The following LTBP1 variants were observed in gnomAD, a reference collection of about 807,000 sequenced individuals.
The protein encoded by LTBP1 is latent transforming growth factor beta binding protein 1, also known as latent-transforming growth factor beta-binding protein 1.
In LTBP1, 129 loss-of-function variants were observed where a neutral mutation model predicts 207.6. The ratio of observed to expected loss-of-function variants is 0.62; its 90% confidence interval spans 0.54 to 0.72. The LOEUF (loss-of-function observed/expected upper bound fraction) is 0.72. Ranked by LOEUF, LTBP1 falls within the 30% of genes least tolerant of loss-of-function variation. The pLI is 0.00. For synonymous variants in LTBP1, 963 were observed against 833.7 expected (o/e 1.16, Z -2.67); for missense variants, 2,281 against 2,217.2 (o/e 1.03, Z -0.58).
chr2:33,272,394 G>A (rs576248080), intron 15 of LTBP1, among the ~76,000 whole-genome samples: 6 of 152,242 alleles, frequency 3.9e-5, no homozygotes, highest in Admixed American at 3.3e-4. Flanking sequence ...TTGGAGGGTC[G>A]CTTGGCCTCA....
intron 5 of LTBP1, among the ~76,000 whole-genome samples, chr2:33,150,702 T>C (rs1160057482): frequency 7.2e-6 from 1 of 138,728 alleles, no homozygotes; most frequent in African/African-American, 2.6e-5. Flanking sequence ...TTTTTCTTTT[T>C]TCTTTTTCTT....
chr2:33,236,152 A>G lies in LTBP1; in HGVS notation c.1877-7510A>G, dbSNP rs1573350444. 2.0e-5 allele frequency among the ~76,000 whole-genome samples: 3 copies of G among 152,350 alleles called. 1 individual carries two copies. Among genetic ancestry groups the G allele is most frequent in the Admixed American group, 2.0e-4 (3 of 15,302 alleles). On this transcript the variant is annotated intron_variant, in intron 9 of 33. Transcript: ENST00000404816. ...AAGAACTAAGACTGCGGTCAACCAGACTTGATAATTCTGTTCTTCAAAACA... is the reference window on the plus strand; with the variant it reads ...AAGAACTAAGACTGCGGTCAACCAGGCTTGATAATTCTGTTCTTCAAAACA...
At chr2:33,251,617 A>G (rs960469718) in intron 10 of LTBP1, among the ~76,000 whole-genome samples, 1 of 146,268 alleles carries the variant, frequency 6.8e-6, no homozygotes, top group African/African-American at 2.6e-5. Flanking sequence ...GTGAGCTGAG[A>G]TCGCGCCACT....
intron 2 of LTBP1, among the ~76,000 whole-genome samples, chr2:32,982,558 T>C (rs935839197): frequency 6.6e-6 from 1 of 152,120 alleles, no homozygotes; most frequent in Non-Finnish European, 1.5e-5. Context: ...TGTCAGAGAC[T>C]TTCATGGCAG....
In LTBP1 at chr2:33,303,959, T is replaced by C. The variant is rs565628406; in HGVS notation, c.3481+2315T>C. On this transcript the variant is annotated intron_variant, in intron 22 of 33. Transcript: ENST00000404816. ...GCCAAGCCAAGAAGGAACTGCACCA[T>C]TGATTAAGTCTTGGGTAACTGATGT... Among the ~76,000 whole-genome samples the C allele has an allele frequency of 3.9e-5, 6 of 152,298 alleles. No individual in the cohort carries two copies. In the East Asian group the frequency reaches 1.2e-3, roughly 29 times the overall value.
chr2:33,394,649 G>C (rs575956950), intron 32 of LTBP1, among the ~76,000 whole-genome samples: 1 of 152,130 alleles, frequency 6.6e-6, no homozygotes, highest in South Asian at 2.1e-4. Flanking sequence ...GCTCTGTTCC[G>C]TTCCATTGGT....
chr2:33,205,642 C>G (rs1312922940), intron 7 of LTBP1, among the ~76,000 whole-genome samples: 3 of 152,204 alleles, frequency 2.0e-5, no homozygotes, highest in African/African-American at 4.8e-5. Flanking sequence ...CACACTCATT[C>G]CCTTTCCCAT....
At chr2:33,303,910 G>A (rs941442481) in intron 22 of LTBP1, among the ~76,000 whole-genome samples, 4 of 152,186 alleles carry the variant, frequency 2.6e-5, no homozygotes, top group African/African-American at 9.7e-5. Context: ...CTGACCATCA[G>A]CATCTCCTCT....
intron 31 of LTBP1, among the ~76,000 whole-genome samples, chr2:33,376,162 A>G (rs1215981746): frequency 1.3e-5 from 2 of 152,210 alleles, no homozygotes; most frequent in African/African-American, 4.8e-5. Context: ...TTAAAACACA[A>G]CAAATTGAAT....
chr2:33,210,610 T>G (rs1395449955), intron 7 of LTBP1, among the ~76,000 whole-genome samples: 1 of 152,238 alleles, frequency 6.6e-6, no homozygotes, highest in Non-Finnish European at 1.5e-5. Context: ...GTTTCCTGGT[T>G]GATTTTTATA....
chr2:33,295,067 AT>A (rs954453354), intron 20 of LTBP1, among the ~76,000 whole-genome samples: 1 of 151,754 alleles, frequency 6.6e-6, no homozygotes, highest in Admixed American at 6.6e-5. Flanking sequence ...AAAAGGCTTA[AT>A]TTTTTTATAT....
chr2:32,980,195 T>TA (rs1471270877), intron 2 of LTBP1, among the ~76,000 whole-genome samples: 2 of 152,164 alleles, frequency 1.3e-5, no homozygotes, highest in African/African-American at 4.8e-5. Context: ...GACTTACTCT[T>TA]ACAATTTTGT....
At chr2:32,968,213 G>A (rs1680285827) in intron 2 of LTBP1, among the ~76,000 whole-genome samples, 1 of 152,096 alleles carries the variant, frequency 6.6e-6, no homozygotes. Context: ...TGATCCGCCT[G>A]CCTTGGCCTC....
intron 2 of LTBP1, among the ~76,000 whole-genome samples, chr2:32,993,557 A>G (rs1392170530): frequency 6.6e-6 from 1 of 152,176 alleles, no homozygotes; most frequent in African/African-American, 2.4e-5. Flanking sequence ...TTTTAGAAAA[A>G]GCCTATTGTT....
At chr2:33,150,029 T>C (rs554770392) in intron 5 of LTBP1, among the ~76,000 whole-genome samples, 100 of 152,294 alleles carry the variant, frequency 6.6e-4, no homozygotes, top group African/African-American at 2.4e-3. Context: ...GTCTGACATA[T>C]TATTTAACTC....
intron 3 of LTBP1, among the ~76,000 whole-genome samples, chr2:33,079,372 T>C: frequency 6.6e-6 from 1 of 152,188 alleles, no homozygotes; most frequent in South Asian, 2.1e-4. Context: ...TGTTTCCAGC[T>C]GTATTGCACT....
intron 20 of LTBP1, among the ~76,000 whole-genome samples, chr2:33,298,297 T>C (rs761969322): frequency 1.1e-4 from 17 of 152,240 alleles, no homozygotes; most frequent in Non-Finnish European, 2.4e-4. Flanking sequence ...GTATGTGTCA[T>C]TACTTGTCAT....
chr2:33,333,979 T>C (rs956461646), intron 24 of LTBP1, among the ~76,000 whole-genome samples: 4 of 152,120 alleles, frequency 2.6e-5, no homozygotes, highest in Admixed American at 1.3e-4. Context: ...GAGGATATGG[T>C]ACTGTAGAAT....
chr2:33,311,374 G>A (rs1011060606), intron 23 of LTBP1, among the ~76,000 whole-genome samples: 4 of 152,036 alleles, frequency 2.6e-5, no homozygotes, highest in African/African-American at 9.7e-5. Context: ...ATGCAATAAG[G>A]TGAAATTCAA....
Sources: gnomAD v4.1 joint callset for allele counts (sites outside exome capture counted in the v4.1 genomes callset) on GRCh38, gnomAD v4.1.1 for gene constraint, MANE v1.5 for transcripts, NCBI Gene and HGNC (gene_info 2026-07-23, HGNC 2026-07-21) for gene names.